The following MAP2K2 variants were observed in gnomAD, a reference collection of about 807,000 sequenced individuals.
MAP2K2 encodes the protein dual specificity mitogen-activated protein kinase kinase 2.
A neutral mutation model predicts 43.7 loss-of-function variants in MAP2K2; 24 were observed. That is an observed-to-expected ratio of 0.55 (90% CI 0.40 to 0.77). The LOEUF (loss-of-function observed/expected upper bound fraction) is 0.77. Among genes scored for constraint, MAP2K2 ranks in the 30% least tolerant of loss-of-function variants. The pLI is 0.00. For synonymous variants in MAP2K2, 244 were observed against 239.7 expected, an observed-to-expected ratio of 1.02 and a Z score of -0.17; for missense variants, 470 against 566.8, an observed-to-expected ratio of 0.83 and a Z score of 1.73.
At chr19:4,107,525 A>T (rs79024741) in intron 3 of MAP2K2, among the ~76,000 whole-genome samples, 1 of 55,802 alleles carries the variant, frequency 1.8e-5, no homozygotes, top group Non-Finnish European at 4.6e-5. Flanking sequence ...CTCCGTCTCA[A>T]AAAAAAAAAA....
chr19:4,105,279 T>G (rs1274829854), intron 3 of MAP2K2, among the ~76,000 whole-genome samples: 1 of 151,688 alleles, frequency 6.6e-6, no homozygotes, highest in Non-Finnish European at 1.5e-5. Flanking sequence ...TCTTTTTTTT[T>G]TTTTCCTGAG....
intron 3 of MAP2K2, chr19:4,103,356 C>T: frequency 5.3e-6 from 4 of 750,318 alleles, no homozygotes; most frequent in Non-Finnish European, 6.5e-6. Flanking sequence ...TGCCAAAACC[C>T]CAGGCACTGG....
chr19:4,105,143 A>G (rs1326585708), intron 3 of MAP2K2, among the ~76,000 whole-genome samples: 1 of 144,846 alleles, frequency 6.9e-6, no homozygotes, highest in Non-Finnish European at 1.5e-5. Flanking sequence ...GTGCATGACC[A>G]TACACGTCTA....
In MAP2K2 at chr19:4,117,622, G is replaced by A. The variant is rs766428454; in HGVS notation, c.100C>T (p.Leu34=). Residue 34 remains leucine, a synonymous_variant, in exon 2 of 11, where the codon CTG becomes TTG. Transcript: ENST00000262948. ...PTSEGASEAN[L]VDLQKKLEEL... ...TCCAGCTTCTTCTGCAGGTCCACCAGGTTTGCCCTGCAGAGACCCCCCAGG... is the reference window on the plus strand; with the variant it reads ...TCCAGCTTCTTCTGCAGGTCCACCAAGTTTGCCCTGCAGAGACCCCCCAGG... The A allele has an allele frequency of 2.5e-6, 4 of 1,613,966 alleles. No homozygotes were observed. In the East Asian group the frequency reaches 8.9e-5, roughly 36 times the overall value.
At chr19:4,095,023 T>G in intron 9 of MAP2K2, 2 of 352,940 alleles carry the variant, frequency 5.7e-6, no homozygotes, top group East Asian at 4.7e-5. Flanking sequence ...GAGAATGGAG[T>G]GGGGCTGGCG....
intron 6 of MAP2K2, chr19:4,100,700 C>T (rs759973118): frequency 9.7e-5 from 43 of 442,470 alleles, no homozygotes; most frequent in Non-Finnish European, 1.6e-4. Context: ...AAGGGGAATC[C>T]GAAAAGCAGG....
intron 2 of MAP2K2, among the ~76,000 whole-genome samples, chr19:4,111,704 C>T (rs1490481738): frequency 5.9e-5 from 9 of 152,190 alleles, no homozygotes; most frequent in Admixed American, 6.5e-5. Flanking sequence ...CCTGTAATCC[C>T]GCACTCCGGG....
chr19:4,108,552 C>T lies in MAP2K2; in HGVS notation c.450+1957G>A, dbSNP rs2041116758. On this transcript the variant is annotated intron_variant, in intron 3 of 10. Coordinates refer to ENST00000262948, the MANE Select transcript of MAP2K2 (RefSeq NM_030662.4). ...TGTGAGCCACCGCCCCTGGCTAGAC[C>T]ACCTCGGAACTTTTAAAGGGTGCAC... Among the ~76,000 whole-genome samples the T allele has an allele frequency of 2.6e-5, 4 of 152,034 alleles. No individual in the cohort carries two copies. In the South Asian group the frequency reaches 8.3e-4, roughly 32 times the overall value.
At chr19:4,105,647 C>G (rs1360664476) in intron 3 of MAP2K2, among the ~76,000 whole-genome samples, 1 of 152,160 alleles carries the variant, frequency 6.6e-6, no homozygotes, top group Non-Finnish European at 1.5e-5. Flanking sequence ...ATTCCCCCCT[C>G]AAGTGTGACT....
chr19:4,114,688 C>T (rs753194159), intron 2 of MAP2K2, among the ~76,000 whole-genome samples: 11 of 152,134 alleles, frequency 7.2e-5, no homozygotes, highest in Non-Finnish European at 1.3e-4. Context: ...GTGGCTCACG[C>T]CTGTAATCCC....
At chr19:4,119,455 C>G (rs981051127) in intron 1 of MAP2K2, among the ~76,000 whole-genome samples, 2 of 152,184 alleles carry the variant, frequency 1.3e-5, no homozygotes, top group African/African-American at 4.8e-5. Flanking sequence ...TTCCTGGGTT[C>G]AAGCCACCTG....
Position 4,115,758 on chromosome 19 carries a change from G to A in MAP2K2, c.303+1661C>T, listed in dbSNP as rs2041213120. ...TGCTGCCACCTGCGCAGACCCACGG[G>A]ACTAGGTGCAGTCACGTTCCCCCAG... On this transcript the variant is annotated intron_variant, in intron 2 of 10. Transcript: ENST00000262948. The surrounding 1 kb of genome is among the most constrained non-coding windows in gnomAD (Gnocchi z 4.1). Among the ~76,000 whole-genome samples, 1 of 152,232 alleles carries A rather than the reference G, an allele frequency of 6.6e-6. No individual in the cohort carries two copies. Among genetic ancestry groups the A allele is most frequent in the Non-Finnish European group, 1.5e-5 (1 of 68,036 alleles).
chr19:4,105,335 C>A (rs1280134674), intron 3 of MAP2K2, among the ~76,000 whole-genome samples: 1 of 151,458 alleles, frequency 6.6e-6, no homozygotes, highest in Non-Finnish European at 1.5e-5. Context: ...GTGGCACCAT[C>A]TCGGCTCACT....
At chr19:4,113,247 C>T (rs1020218797) in intron 2 of MAP2K2, among the ~76,000 whole-genome samples, 15 of 152,302 alleles carry the variant, frequency 9.8e-5, no homozygotes, top group African/African-American at 3.6e-4. Flanking sequence ...GAGAGGCCTT[C>T]TGGAAGGCTG....
intron 3 of MAP2K2, 128 bp downstream of exon 3, chr19:4,110,381 A>G: frequency 8.7e-7 from 1 of 1,154,864 alleles, no homozygotes; most frequent in Non-Finnish European, 1.3e-6. Flanking sequence ...GACTGCCTTG[A>G]GAAGGATCCC....
At chr19:4,117,356 C>G (rs1194385237) in intron 2 of MAP2K2, 63 bp downstream of exon 2, 6 of 1,510,402 alleles carry the variant, frequency 4.0e-6, no homozygotes, top group Non-Finnish European at 5.4e-6. Flanking sequence ...TCCCAACCTG[C>G]CTCCTGTTTC....
At chr19:4,099,480 T>TGCCCCGTTACAGCCCC in intron 6 of MAP2K2, 66 bp from the exon 7 acceptor site, 3 of 1,347,888 alleles carry the variant, frequency 2.2e-6, no homozygotes, top group Non-Finnish European at 3.1e-6. Context: ...CCGGGAGGCT[T>TGCCCCGTTACAGCCCC]GCCCCGTTAC....
At chr19:4,106,301 C>T (rs774008587) in intron 3 of MAP2K2, among the ~76,000 whole-genome samples, 1 of 152,100 alleles carries the variant, frequency 6.6e-6, no homozygotes, top group Non-Finnish European at 1.5e-5. Context: ...CTCAACTACT[C>T]GGGAGGCTGA....
intron 2 of MAP2K2, 110 bp downstream of exon 2, chr19:4,117,309 G>A (rs2041233649): frequency 1.9e-6 from 2 of 1,049,098 alleles, no homozygotes; most frequent in Admixed American, 4.0e-5. Flanking sequence ...GAGGGACAGA[G>A]CCTGGAGCTA....
Sources: allele counts gnomAD v4.1 joint callset (sites outside exome capture counted in the v4.1 genomes callset), GRCh38; gene constraint gnomAD v4.1.1; non-coding constraint Gnocchi (gnomAD v3.1); transcripts MANE v1.5; gene names NCBI Gene and HGNC (gene_info 2026-07-23, HGNC 2026-07-21).